Variants in FCGR1A observed in about 807,000 individuals in gnomAD.
FCGR1A encodes the protein high affinity immunoglobulin gamma Fc receptor I.
A neutral mutation model predicts 35.0 loss-of-function variants in FCGR1A; 13 were observed. The ratio of observed to expected loss-of-function variants is 0.37; its 90% CI spans 0.24 to 0.59. FCGR1A has a LOEUF of 0.59. FCGR1A is among the 20% of genes least tolerant of loss of function. The probability of loss-of-function intolerance (pLI) is 0.71; values close to 1 mark genes in which losing one functional copy is unlikely to be tolerated. For synonymous variants in FCGR1A, 91 were observed against 164.7 expected (o/e 0.55, Z 3.43); for missense variants, 227 against 430.0 (o/e 0.53, Z 4.17).
chr1:149,793,124 C>G (rs1489415460), downstream of FCGR1A: 4 of 1,274,056 alleles, frequency 3.1e-6, no homozygotes, highest in Non-Finnish European at 4.1e-6. Flanking sequence ...GCCTCAGGTG[C>G]GCCCGGCCGA....
Position 149,788,572 on chromosome 1 carries a change from G to A in FCGR1A, c.514G>A (p.Gly172Arg), listed in dbSNP as rs1553751187. Residue 172 changes from glycine to arginine, a missense_variant, in exon 4 of 6, where the codon GGA becomes AGA. Transcript: ENST00000369168. ...HNGTYHCSGM[G>R]KHRYTSAGIS... ...TGGCACCTACCATTGCTCAGGCATG[G>A]GAAAGCATCGCTACACATCAGCAGG... 6.2e-7 allele frequency: 1 copy of A among 1,613,818 alleles called. No homozygotes were observed. The highest frequency in any genetic ancestry group is 1.3e-5 in the African/African-American group (1 of 74,890).
At chr1:149,792,597 G>C (rs1199215651), downstream of FCGR1A, 42 of 1,205,226 alleles carry the variant, frequency 3.5e-5, no homozygotes, top group Non-Finnish European at 4.2e-5. Flanking sequence ...CGTGTCCCGC[G>C]GCGGGCCCCT....
intron 3 of FCGR1A, chr1:149,786,934 T>C (rs587666071): frequency 1.2e-4 from 19 of 152,226 alleles, no homozygotes; most frequent in African/African-American, 4.1e-4. Flanking sequence ...TTTTCTAATA[T>C]TGCATGTGTG....
chr1:149,793,514 C>G (rs1553752461), downstream of FCGR1A, among the ~76,000 whole-genome samples: 1 of 152,126 alleles, frequency 6.6e-6, no homozygotes, highest in Non-Finnish European at 1.5e-5. Context: ...CTGGAGGGAT[C>G]TGATGCAGCT....
At chr1:149,795,978 C>G (rs1412336916), downstream of FCGR1A, among the ~76,000 whole-genome samples, 4 of 151,382 alleles carry the variant, frequency 2.6e-5, no homozygotes, top group South Asian at 8.3e-4. Context: ...ATGTCACACA[C>G]ACACAAAGCT....
intron 3 of FCGR1A, among the ~76,000 whole-genome samples, chr1:149,785,056 C>T (rs1401311786): frequency 3.3e-5 from 5 of 152,292 alleles, no homozygotes; most frequent in Non-Finnish European, 7.3e-5. Flanking sequence ...CAGAAAAGCC[C>T]ACCACCCACT....
chr1:149,788,958 T>C (rs1345371109), intron 4 of FCGR1A, among the ~76,000 whole-genome samples: 5 of 151,790 alleles, frequency 3.3e-5, no homozygotes, highest in African/African-American at 1.2e-4. Context: ...AATAATACCA[T>C]GGAATCTCAT....
At position 149,784,040 on chromosome 1, in the gene FCGR1A, G is replaced by A; in HGVS notation, c.90G>A (p.Trp30Ter). 1 of 1,609,356 alleles carries A rather than the reference G, an allele frequency of 6.2e-7. No homozygotes were observed. ...CAGTGATCACTTTGCAGCCTCCATG[G>A]GTCAGCGTGTTCCAAGAGGAAACCG... ...TKAVITLQPPWVSVFQEETVT... is the reference protein window; with the variant it reads ...TKAVITLQPP Residue 30 changes from tryptophan (W) to a stop codon, truncating the protein, a stop_gained, in exon 3 of 6, where the codon TGG becomes TGA. Coordinates refer to ENST00000369168, the MANE Select transcript of FCGR1A (RefSeq NM_000566.4). LOFTEE classifies it high-confidence loss of function.
downstream of FCGR1A, among the ~76,000 whole-genome samples, chr1:149,793,616 G>A (rs2091765035): frequency 6.6e-6 from 1 of 151,818 alleles, no homozygotes; most frequent in Non-Finnish European, 1.5e-5. Flanking sequence ...ACCTGTGAGG[G>A]TCTTGGGCCC....
chr1:149,785,407 C>CTT (rs1553750700), intron 3 of FCGR1A, among the ~76,000 whole-genome samples: 5 of 74,530 alleles, frequency 6.7e-5, no homozygotes, highest in Admixed American at 1.5e-4. Flanking sequence ...AGAGCTGTTT[C>CTT]GTTTTTTTTT....
chr1:149,791,062 A>G (rs2091698215), intron 5 of FCGR1A, among the ~76,000 whole-genome samples, 175 bp from the exon 6 acceptor site: 1 of 150,802 alleles, frequency 6.6e-6, no homozygotes, highest in Admixed American at 6.6e-5. Flanking sequence ...CCCTGTCTAT[A>G]CACCATATAG....
the FCGR1A span, among the ~76,000 whole-genome samples, chr1:149,797,701 G>A: frequency 2.0e-5 from 3 of 152,090 alleles, no homozygotes; most frequent in African/African-American, 7.2e-5. Context: ...CAGGCTCAAC[G>A]ATCCTCCTGC....
At chr1:149,786,487 A>G (rs1215609493) in intron 3 of FCGR1A, 5 of 152,330 alleles carry the variant, frequency 3.3e-5, no homozygotes, top group South Asian at 2.1e-4. Flanking sequence ...TCTATGCCCT[A>G]TTTTAAAATG....
the FCGR1A span, among the ~76,000 whole-genome samples, chr1:149,799,835 T>C: frequency 1.3e-5 from 2 of 152,260 alleles, no homozygotes; most frequent in African/African-American, 4.8e-5. Context: ...ATGTGTTTCC[T>C]GTGCTTTCAC....
chr1:149,786,985 C>T (rs1553750911), intron 3 of FCGR1A: 1 of 152,072 alleles, frequency 6.6e-6, no homozygotes, highest in Non-Finnish European at 1.5e-5. Flanking sequence ...GTAGAGCATC[C>T]ACAAAATCAA....
intron 3 of FCGR1A, chr1:149,786,704 A>G (rs2091560525): frequency 6.6e-6 from 1 of 152,208 alleles, no homozygotes; most frequent in Non-Finnish European, 1.5e-5. Context: ...GCATCTCGTG[A>G]GTTTTGATAT....
In FCGR1A at chr1:149,790,204, G is replaced by A. The variant is rs782812046; in HGVS notation, c.710G>A (p.Arg237Gln). The A allele has an allele frequency of 2.2e-5, 35 of 1,613,596 alleles. No individual in the cohort carries two copies. Among genetic ancestry groups the A allele is most frequent in the Non-Finnish European group, 2.8e-5 (33 of 1,179,776 alleles). Reference sequence around the variant, plus strand: ...TTCTACATGGGCAGCAAGACCCTGCGAGGCAGGAACACATCCTCTGAATAC... The same window carrying A: ...TTCTACATGGGCAGCAAGACCCTGCAAGGCAGGAACACATCCTCTGAATAC... ...FSFYMGSKTLRGRNTSSEYQI... is the reference protein window; with the variant it reads ...FSFYMGSKTLQGRNTSSEYQI... The change falls in exon 5 of 6, where the codon CGA (arginine) becomes CAA (glutamine). Residue 237 changes from arginine (R) to glutamine (Q), a missense_variant. By Grantham distance (43) the Arg-to-Gln change is conservative (BLOSUM62 1). Transcript: ENST00000369168.
chr1:149,786,048 G>C (rs1215030072), intron 3 of FCGR1A: 1 of 151,938 alleles, frequency 6.6e-6, no homozygotes, highest in Non-Finnish European at 1.5e-5. Flanking sequence ...TTCTGGTTTT[G>C]ACCACTTACA....
At chr1:149,785,221 A>G (rs1159880741) in intron 3 of FCGR1A, among the ~76,000 whole-genome samples, 2 of 152,152 alleles carry the variant, frequency 1.3e-5, no homozygotes, top group Non-Finnish European at 2.9e-5. Flanking sequence ...TGATAATGCA[A>G]AAGTCAATCC....
Sources: allele counts gnomAD v4.1 joint callset (sites outside exome capture counted in the v4.1 genomes callset), GRCh38; gene constraint gnomAD v4.1.1; transcripts MANE v1.5; gene names NCBI Gene and HGNC (gene_info 2026-07-23, HGNC 2026-07-21).